TGM6: variants seen among roughly 807,000 people sequenced by gnomAD.
TGM6 encodes the protein protein-glutamine gamma-glutamyltransferase 6.
A neutral mutation model predicts 77.5 loss-of-function variants in TGM6; 74 were observed. The observed-to-expected ratio is 0.96, with a 90% CI of 0.79 to 1.16. The LOEUF (loss-of-function observed/expected upper bound fraction) is 1.16, where lower values mean the gene tolerates loss of function less well. Among genes scored for constraint, TGM6 ranks in the 50% most tolerant of loss-of-function variants. The probability of loss-of-function intolerance (pLI) is 0.00; values close to 1 mark genes in which losing one functional copy is unlikely to be tolerated. For synonymous variants in TGM6, 383 were observed against 378.9 expected (o/e 1.01, Z -0.12); for missense variants, 968 against 940.2 (o/e 1.03, Z -0.39).
At chr20:2,432,404 G>T in intron 12 of TGM6, 86 bp from the exon 13 acceptor site, 1 of 1,543,760 alleles carries the variant, frequency 6.5e-7, no homozygotes. Context: ...TGATCCTGAG[G>T]AGCCTGGGGA....
At chr20:2,399,156 A>AAAAG (rs1555799792) in intron 5 of TGM6, among the ~76,000 whole-genome samples, 3 of 146,520 alleles carry the variant, frequency 2.0e-5, no homozygotes, top group Non-Finnish European at 1.5e-5. Flanking sequence ...AAAAAAAAAA[A>AAAAG]AGAATAATGA....
intron 9 of TGM6, among the ~76,000 whole-genome samples, chr20:2,404,621 A>G (rs1290525643): frequency 6.7e-6 from 1 of 150,208 alleles, no homozygotes; most frequent in Non-Finnish European, 1.5e-5. Flanking sequence ...CTAGCATCAT[A>G]TTTTACAGCT....
intron 10 of TGM6, among the ~76,000 whole-genome samples, chr20:2,427,001 G>A (rs1338809627): frequency 6.6e-6 from 1 of 152,102 alleles, no homozygotes; most frequent in Admixed American, 6.6e-5. Context: ...TTAAGGTAAT[G>A]CTGGCCTCAT....
intron 1 of TGM6, among the ~76,000 whole-genome samples, chr20:2,383,315 T>C (rs2084568390): frequency 1.3e-5 from 2 of 152,162 alleles, no homozygotes; most frequent in Non-Finnish European, 2.9e-5. Flanking sequence ...ATCATTCAGC[T>C]CTCTGGTATC....
intron 9 of TGM6, among the ~76,000 whole-genome samples, chr20:2,408,495 G>A (rs1439752691): frequency 6.6e-6 from 1 of 152,158 alleles, no homozygotes; most frequent in Non-Finnish European, 1.5e-5. Flanking sequence ...AGAGTTCTAG[G>A]ATGGCAGGAA....
chr20:2,409,887 C>T (rs2084774221), intron 9 of TGM6, among the ~76,000 whole-genome samples: 1 of 152,074 alleles, frequency 6.6e-6, no homozygotes, highest in Non-Finnish European at 1.5e-5. Flanking sequence ...AATTGATAAA[C>T]CTTTAGCTAG....
Position 2,427,361 on chromosome 20 carries a change from A to G in TGM6, c.1679-3085A>G, listed in dbSNP as rs182704109. ...ACTTGTTACCTTTACTATCCTTTTA[A>G]TGTCCATGGAATCTGTAGAGATGTC... On this transcript the variant is annotated intron_variant, in intron 10 of 12. Transcript: ENST00000202625. Among the ~76,000 whole-genome samples, 250 of 152,030 alleles carry G rather than the reference A, an allele frequency of 1.6e-3. 1 individual carries two copies. Among genetic ancestry groups the G allele is most frequent in the South Asian group, 1.0e-2 (48 of 4,822 alleles).
At chr20:2,419,199 T>A (rs1298251073) in intron 10 of TGM6, among the ~76,000 whole-genome samples, 1 of 152,210 alleles carries the variant, frequency 6.6e-6, no homozygotes, top group South Asian at 2.1e-4. Context: ...GGCTTTTTCA[T>A]CTGTCTCTCT....
intron 9 of TGM6, among the ~76,000 whole-genome samples, chr20:2,415,604 G>A (rs2084811077): frequency 1.3e-5 from 2 of 152,170 alleles, no homozygotes; most frequent in South Asian, 4.1e-4. Flanking sequence ...AGAGAGGTGA[G>A]AGAAGAGGAC....
At chr20:2,397,481 CT>C (rs1248844408) in intron 4 of TGM6, among the ~76,000 whole-genome samples, 1 of 152,228 alleles carries the variant, frequency 6.6e-6, no homozygotes, top group African/African-American at 2.4e-5. Context: ...TCAGCACCCA[CT>C]TTTTGTTGCC....
At chr20:2,410,671 G>A (rs1220634595) in intron 9 of TGM6, among the ~76,000 whole-genome samples, 1 of 152,054 alleles carries the variant, frequency 6.6e-6, no homozygotes, top group African/African-American at 2.4e-5. Context: ...CTAACTCCAG[G>A]TAGCTACTGT....
intron 1 of TGM6, among the ~76,000 whole-genome samples, chr20:2,392,011 C>A (rs930261981): frequency 1.2e-4 from 18 of 152,206 alleles, no homozygotes; most frequent in African/African-American, 4.3e-4. Context: ...AGTACTCTGG[C>A]AAATAGTTTT....
chr20:2,421,919 A>G (rs1382485015), intron 10 of TGM6, among the ~76,000 whole-genome samples: 1 of 151,964 alleles, frequency 6.6e-6, no homozygotes, highest in African/African-American at 2.4e-5. Flanking sequence ...ATCACTTGAG[A>G]TCAGGAGTTT....
At chr20:2,392,080 C>T (rs1172223589) in intron 1 of TGM6, among the ~76,000 whole-genome samples, 3 of 152,294 alleles carry the variant, frequency 2.0e-5, no homozygotes, top group Middle Eastern at 3.4e-3. Flanking sequence ...AATGCCTCTC[C>T]CTTAGGGTTC....
chr20:2,427,489 A>C (rs2084895470), intron 10 of TGM6, among the ~76,000 whole-genome samples: 1 of 152,062 alleles, frequency 6.6e-6, no homozygotes, highest in Non-Finnish European at 1.5e-5. Context: ...TCAAAGAACC[A>C]GCTTTTGGTT....
At chr20:2,393,837 T>C (rs1275664935) in intron 1 of TGM6, among the ~76,000 whole-genome samples, 1 of 152,150 alleles carries the variant, frequency 6.6e-6, no homozygotes, top group African/African-American at 2.4e-5. Flanking sequence ...TAATAATGTA[T>C]CTTTAAACAG....
At chr20:2,401,293 T>C (rs1019378289) in intron 7 of TGM6, among the ~76,000 whole-genome samples, 2 of 152,116 alleles carry the variant, frequency 1.3e-5, no homozygotes, top group African/African-American at 4.8e-5. Flanking sequence ...AGGTACAAAA[T>C]GGGTTGCAGT....
At chr20:2,424,792 C>G (rs1484324721) in intron 10 of TGM6, among the ~76,000 whole-genome samples, 1 of 152,124 alleles carries the variant, frequency 6.6e-6, no homozygotes, top group African/African-American at 2.4e-5. Flanking sequence ...TAGCTTTTGA[C>G]TTAAAGTGAG....
intron 7 of TGM6, 124 bp from the exon 8 acceptor site, chr20:2,403,273 T>A (rs2122374189): frequency 1.1e-6 from 1 of 942,836 alleles, no homozygotes; most frequent in East Asian, 2.6e-5. Context: ...GTTGAATGAG[T>A]GATTCACAAC....
Sources: allele counts gnomAD v4.1 joint callset (sites outside exome capture counted in the v4.1 genomes callset), GRCh38; gene constraint gnomAD v4.1.1; transcripts MANE v1.5; gene names NCBI Gene and HGNC (gene_info 2026-07-23, HGNC 2026-07-21).